The following PGBD5 variants were observed in gnomAD, a reference collection of about 807,000 sequenced individuals.
The protein encoded by PGBD5 is piggyBac transposable element derived 5.
PGBD5 carries 14 observed loss-of-function variants against 47.9 expected under a neutral mutation model. The ratio of observed to expected loss-of-function variants is 0.29; its 90% CI spans 0.19 to 0.46. PGBD5 has a LOEUF of 0.46. PGBD5 is among the 20% of genes least tolerant of loss of function. The pLI is 1.00. For missense variants in PGBD5, 635 were observed against 716.0 expected (o/e 0.89, Z 1.29); for synonymous variants, 316 against 306.3 (o/e 1.03, Z -0.33).
intron 1 of PGBD5, among the ~76,000 whole-genome samples, chr1:230,403,701 C>T (rs71654323): frequency 0.038 from 5,791 of 152,230 alleles, 146 homozygotes; most frequent in Non-Finnish European, 0.056. Flanking sequence ...ATGCGGGGTC[C>T]GCTCTGGACA....
Position 230,358,965 on chromosome 1 carries a change from C to A in PGBD5, c.332-1644G>T, listed in dbSNP as rs538362140. 1.9e-4 allele frequency among the ~76,000 whole-genome samples: 29 copies of A among 152,270 alleles called. No individual in the cohort carries two copies. The South Asian group carries it at 6.0e-3, about 32-fold the overall frequency. ...TGTACACACATATATTTTTAAAGAG[C>A]TATGGCTTACAATTCTATGTAGTAA... On this transcript the variant is annotated intron_variant, in intron 1 of 6. Transcript: ENST00000391860.
Position 230,357,276 on chromosome 1 carries a change from A to C in PGBD5, c.377T>G (p.Phe126Cys). The C allele has an allele frequency of 6.2e-7, 1 of 1,614,128 alleles. No homozygotes were observed. Among genetic ancestry groups the C allele is most frequent in the Non-Finnish European group, 8.5e-7 (1 of 1,180,038 alleles). Residue 126 changes from phenylalanine to cysteine, a missense_variant, in exon 2 of 7, where the codon TTC becomes TGC. Physicochemically the swap from Phe to Cys is radical, Grantham distance 205. Coordinates refer to ENST00000391860, the MANE Select transcript of PGBD5 (RefSeq NM_001258311.2). This position sits in a 1 kb window ranked among gnomAD's most constrained non-coding sequence, Gnocchi z 5.7. The stretch of plus-strand genomic sequence containing the variant: ...GACGTTGTCTGGGACAAAGAGCTGG[A>C]AGAAGTCCACGGCACTGGCGCTGGG... ...MPPSASAVDF[F>C]QLFVPDNVLK... is the part of the protein sequence containing the mutation.
chr1:230,396,190 A>ACC (rs1171255640), intron 1 of PGBD5, among the ~76,000 whole-genome samples: 1 of 52,736 alleles, frequency 1.9e-5, no homozygotes, highest in Non-Finnish European at 3.4e-5. Flanking sequence ...ATTCCTTTTT[A>ACC]CCCCCCCACT....
intron 1 of PGBD5, among the ~76,000 whole-genome samples, chr1:230,392,865 C>G (rs1656823307): frequency 6.6e-6 from 1 of 152,106 alleles, no homozygotes; most frequent in African/African-American, 2.4e-5. Flanking sequence ...CACACTAGAC[C>G]CCGTGGGGTT....
intron 1 of PGBD5, among the ~76,000 whole-genome samples, chr1:230,420,622 TTC>T (rs1312173282): frequency 6.6e-6 from 1 of 152,102 alleles, no homozygotes; most frequent in African/African-American, 2.4e-5. Context: ...TGCTGGCAAA[TTC>T]TCTCTCTTTG....
rs980546639 is a variant in PGBD5, at chr1:230,402,503, G to A, written c.331+23095C>T. 2.6e-5 allele frequency among the ~76,000 whole-genome samples: 4 copies of A among 152,358 alleles called. No homozygotes were observed. The East Asian group carries it at 5.8e-4, about 22-fold the overall frequency. On this transcript the variant is annotated intron_variant, in intron 1 of 6. Coordinates refer to ENST00000391860, the MANE Select transcript of PGBD5 (RefSeq NM_001258311.2). ...TGCAGTGGTGTGAAGAGAGCTCACT[G>A]TTGGGGGAGGGGGCTTTGCCTCTGA...
At chr1:230,388,934 G>C (rs1656718365) in intron 1 of PGBD5, among the ~76,000 whole-genome samples, 1 of 152,176 alleles carries the variant, frequency 6.6e-6, no homozygotes, top group African/African-American at 2.4e-5. Flanking sequence ...GAAAGGGCAG[G>C]AGCCAGGGGG....
intron 1 of PGBD5, among the ~76,000 whole-genome samples, chr1:230,389,170 C>A (rs1255964828): frequency 7.0e-6 from 1 of 142,402 alleles, no homozygotes; most frequent in East Asian, 2.1e-4. Context: ...ATGACATTTT[C>A]TTTCTTTTTT....
intron 3 of PGBD5, among the ~76,000 whole-genome samples, chr1:230,343,897 A>T (rs1667441666): frequency 6.6e-6 from 1 of 152,242 alleles, no homozygotes; most frequent in Admixed American, 6.5e-5. Flanking sequence ...CCACTGTCCT[A>T]CCAACAATCA....
At chr1:230,356,807 G>A in intron 2 of PGBD5, 87 bp downstream of exon 2, 1 of 1,435,002 alleles carries the variant, frequency 7.0e-7, no homozygotes, top group African/African-American at 1.4e-5. Flanking sequence ...GGGCAGGAAG[G>A]ACACCCCAAA....
chr1:230,417,278 C>G lies in PGBD5; in HGVS notation c.331+8320G>C, dbSNP rs546398586. ...CCCTTCTGCTGTCATTTTCCCTCCT[C>G]CTTCCTTAAAGGAAGGACCCCGGTG... On this transcript the variant is annotated intron_variant, in intron 1 of 6. Coordinates refer to ENST00000391860, the MANE Select transcript of PGBD5 (RefSeq NM_001258311.2). 3.3e-5 allele frequency among the ~76,000 whole-genome samples: 5 copies of G among 152,178 alleles called. No homozygotes were observed. In the South Asian group the frequency reaches 1.0e-3, roughly 32 times the overall value.
intron 1 of PGBD5, among the ~76,000 whole-genome samples, chr1:230,405,194 CAAAAAAAAAAAAAAGATATA>C (rs1304393449): frequency 1.7e-5 from 2 of 120,068 alleles, no homozygotes; most frequent in Non-Finnish European, 3.6e-5. Context: ...GACTCCACCT[CAAAAAAAAAAAAAAGATATA>C]TGAAGAAAAA....
intron 3 of PGBD5, 149 bp downstream of exon 3, chr1:230,350,809 T>A: frequency 8.5e-7 from 1 of 1,171,206 alleles, no homozygotes; most frequent in South Asian, 1.7e-5. Context: ...AGCCCAGCCC[T>A]GGCCTCCGCA....
intron 1 of PGBD5, among the ~76,000 whole-genome samples, chr1:230,364,406 C>G (rs1462475101): frequency 1.3e-5 from 2 of 152,216 alleles, no homozygotes; most frequent in South Asian, 2.1e-4. Flanking sequence ...ATCTTCCAAG[C>G]AAGGACATCT....
intron 1 of PGBD5, among the ~76,000 whole-genome samples, chr1:230,408,176 T>C (rs565436134): frequency 6.6e-6 from 1 of 152,354 alleles, no homozygotes; most frequent in Admixed American, 6.5e-5. Context: ...GAGGTTATTA[T>C]ATCTATACTA....
intron 1 of PGBD5, among the ~76,000 whole-genome samples, chr1:230,360,153 G>A (rs748591032): frequency 5.3e-5 from 8 of 152,210 alleles, no homozygotes; most frequent in Admixed American, 6.5e-5. Context: ...TCTGCTTAAA[G>A]TTATGTTTAA....
intron 6 of PGBD5, among the ~76,000 whole-genome samples, chr1:230,324,233 T>A (rs936260716): frequency 6.6e-6 from 1 of 152,234 alleles, no homozygotes; most frequent in Admixed American, 6.5e-5. Flanking sequence ...GTATAAAGTA[T>A]GGGAGGATCG....
chr1:230,393,842 A>AT (rs1392584082), intron 1 of PGBD5, among the ~76,000 whole-genome samples: 11 of 149,734 alleles, frequency 7.3e-5, no homozygotes, highest in Non-Finnish European at 1.2e-4. Flanking sequence ...AAAAAAAAAA[A>AT]AATAATAGGC....
At chr1:230,366,392 A>C (rs1183381224) in intron 1 of PGBD5, among the ~76,000 whole-genome samples, 1 of 151,672 alleles carries the variant, frequency 6.6e-6, no homozygotes, top group Non-Finnish European at 1.5e-5. Context: ...TATCTATCTG[A>C]CTTCTGAGAA....
Sources: gnomAD v4.1 joint callset for allele counts (sites outside exome capture counted in the v4.1 genomes callset) on GRCh38, gnomAD v4.1.1 for gene constraint, Gnocchi (gnomAD v3.1) non-coding constraint, MANE v1.5 for transcripts, NCBI Gene and HGNC (gene_info 2026-07-23, HGNC 2026-07-21) for gene names.